The following CDH13 variants were observed in gnomAD, a reference collection of about 807,000 sequenced individuals.
CDH13 encodes cadherin-13.
Under a neutral mutation model 63.8 loss-of-function variants are expected in CDH13, and 24 were observed. The ratio of observed to expected loss-of-function variants is 0.38; its 90% CI spans 0.27 to 0.53. The LOEUF (loss-of-function observed/expected upper bound fraction) is 0.53, where lower values mean the gene tolerates loss of function less well. CDH13 is among the 20% of genes least tolerant of loss of function. The pLI, the probability that CDH13 is intolerant of heterozygous loss-of-function variation, is 0.85. For synonymous variants in CDH13, 503 were observed against 355.3 expected, an observed-to-expected ratio of 1.42 and a Z score of -4.67; for missense variants, 1,049 against 903.1, an observed-to-expected ratio of 1.16 and a Z score of -2.07.
At chr16:83,409,749 T>C (rs139554179) in intron 6 of CDH13, among the ~76,000 whole-genome samples, 7 of 152,198 alleles carry the variant, frequency 4.6e-5, no homozygotes, top group African/African-American at 1.4e-4. Context: ...TCCCCAGAAG[T>C]GGGATGTTGA....
At chr16:83,181,484 G>A (rs2038346856) in intron 4 of CDH13, among the ~76,000 whole-genome samples, 1 of 152,212 alleles carries the variant, frequency 6.6e-6, no homozygotes, top group Non-Finnish European at 1.5e-5. Flanking sequence ...CACATCTTGG[G>A]CTGTAGTACT....
At chr16:83,443,839 G>A (rs1410585345) in intron 6 of CDH13, among the ~76,000 whole-genome samples, 2 of 148,526 alleles carry the variant, frequency 1.3e-5, no homozygotes, top group East Asian at 1.9e-4. Context: ...GGAGGCTGAG[G>A]TGGGAGGATC....
chr16:83,302,473 T>G (rs1181408012), intron 5 of CDH13, among the ~76,000 whole-genome samples: 1 of 152,218 alleles, frequency 6.6e-6, no homozygotes, highest in African/African-American at 2.4e-5. Flanking sequence ...TTTTTCACAC[T>G]GCACAAATGG....
At chr16:83,788,651 G>A (rs910306403) in intron 13 of CDH13, among the ~76,000 whole-genome samples, 3 of 152,132 alleles carry the variant, frequency 2.0e-5, no homozygotes, top group Admixed American at 6.5e-5. Context: ...AGGCAGAATT[G>A]CCTGATAATC....
At chr16:83,399,205 G>T (rs943290167) in intron 6 of CDH13, among the ~76,000 whole-genome samples, 3 of 152,258 alleles carry the variant, frequency 2.0e-5, no homozygotes, top group African/African-American at 7.2e-5. Flanking sequence ...GAGAATTTGG[G>T]TCTTAGTTTT....
At chr16:82,798,053 G>A (rs762115126) in intron 1 of CDH13, among the ~76,000 whole-genome samples, 4 of 152,192 alleles carry the variant, frequency 2.6e-5, no homozygotes, top group Admixed American at 6.5e-5. Flanking sequence ...TTGCTCTGGG[G>A]TGAGAAAACT....
At chr16:83,349,591 A>G (rs1024684060) in intron 6 of CDH13, among the ~76,000 whole-genome samples, 5 of 151,360 alleles carry the variant, frequency 3.3e-5, no homozygotes, top group Non-Finnish European at 4.4e-5. Context: ...CATTATTATT[A>G]TTATTATTAT....
intron 2 of CDH13, among the ~76,000 whole-genome samples, chr16:82,999,006 A>G (rs1597382375): frequency 6.6e-6 from 1 of 151,996 alleles, no homozygotes; most frequent in East Asian, 1.9e-4. Flanking sequence ...TTCTCCTCCC[A>G]AGAACATCCC....
chr16:83,393,159 G>A (rs1165728090), intron 6 of CDH13, among the ~76,000 whole-genome samples: 2 of 152,212 alleles, frequency 1.3e-5, no homozygotes, highest in Non-Finnish European at 1.5e-5. Context: ...GCTATTCCGT[G>A]AGACCATGTC....
chr16:82,662,882 CTGTG>C (rs1325842987), intron 1 of CDH13, among the ~76,000 whole-genome samples: 1 of 148,008 alleles, frequency 6.8e-6, no homozygotes, highest in Non-Finnish European at 1.5e-5. Context: ...GTGGGCATGC[CTGTG>C]TGTCTGGTAC....
intron 7 of CDH13, among the ~76,000 whole-genome samples, chr16:83,501,314 T>C (rs2151586990): frequency 6.6e-6 from 1 of 152,342 alleles, no homozygotes; most frequent in South Asian, 2.1e-4. Flanking sequence ...GGAACCAAAA[T>C]TAAATTCTTT....
At chr16:83,039,445 G>T (rs1917147723) in intron 3 of CDH13, among the ~76,000 whole-genome samples, 1 of 152,202 alleles carries the variant, frequency 6.6e-6, no homozygotes, top group Non-Finnish European at 1.5e-5. Flanking sequence ...CCCATCCCAA[G>T]AAAGGATCTC....
In CDH13 at chr16:83,179,481, T is replaced by TAA. The variant is rs565547312; in HGVS notation, c.484-37844_484-37843dup. The stretch of plus-strand genomic sequence containing the variant: ...TAACACAGTGAAACCCCGTCTCTAC[T>TAA]AAAAAAAAAAAAAAAAAAAAATTAG... On this transcript the variant is annotated intron_variant, in intron 4 of 13. Transcript: ENST00000567109. Among the ~76,000 whole-genome samples, 315 of 69,080 alleles carry TAA rather than the reference T, an allele frequency of 4.6e-3. 26 individuals are homozygous for TAA. The highest frequency in any genetic ancestry group is 7.5e-3 in the Non-Finnish European group (271 of 36,338). 45.3% of individuals were successfully genotyped at this position (69,080 alleles called of 152,430 possible).
At chr16:82,779,123 T>G (rs918804833) in intron 1 of CDH13, among the ~76,000 whole-genome samples, 4 of 152,174 alleles carry the variant, frequency 2.6e-5, no homozygotes, top group Non-Finnish European at 5.9e-5. Context: ...AAACTATTTT[T>G]TAAATGTAAT....
At position 83,518,125 on chromosome 16, in the gene CDH13, A is replaced by G. The variant is rs191164323; in HGVS notation, c.960+31470A>G. Among the ~76,000 whole-genome samples, 256 of 141,284 alleles carry G rather than the reference A, an allele frequency of 1.8e-3. 3 individuals are homozygous for G. The highest frequency in any genetic ancestry group is 2.9e-3 in the Non-Finnish European group (192 of 66,064). 92.7% of individuals were successfully genotyped at this position (141,284 alleles called of 152,430 possible). A position where few individuals can be genotyped will look rare whatever the true frequency, so the allele number is the denominator to read the frequency against. The stretch of plus-strand genomic sequence containing the variant: ...TGCTGTTCTCATGATAATGAGTGAG[A>G]TATCATGAGATGTGATGGTCTTTTG... On this transcript the variant is annotated intron_variant, in intron 7 of 13. Transcript: ENST00000567109.
intron 6 of CDH13, among the ~76,000 whole-genome samples, chr16:83,462,711 A>G (rs1486066698): frequency 6.6e-6 from 1 of 152,202 alleles, no homozygotes; most frequent in Non-Finnish European, 1.5e-5. Context: ...AGTCAAGATC[A>G]TGCCACTGCA....
At chr16:82,786,766 G>C (rs940064051) in intron 1 of CDH13, among the ~76,000 whole-genome samples, 1 of 150,918 alleles carries the variant, frequency 6.6e-6, no homozygotes, top group African/African-American at 2.4e-5. Flanking sequence ...TTGGTTTTCT[G>C]TCCTTGCAAT....
At chr16:83,668,357 T>C (rs1194016943) in intron 8 of CDH13, among the ~76,000 whole-genome samples, 1 of 152,196 alleles carries the variant, frequency 6.6e-6, no homozygotes, top group Non-Finnish European at 1.5e-5. Flanking sequence ...CCTCAAATCA[T>C]GATTTCTCAC....
intron 4 of CDH13, among the ~76,000 whole-genome samples, chr16:83,152,362 G>A (rs561183055): frequency 1.4e-4 from 22 of 152,138 alleles, no homozygotes; most frequent in African/African-American, 4.8e-4. Flanking sequence ...TAAACATATA[G>A]AAAAATGCAT....
Sources: allele counts gnomAD v4.1 joint callset (sites outside exome capture counted in the v4.1 genomes callset), GRCh38; gene constraint gnomAD v4.1.1; transcripts MANE v1.5; gene names NCBI Gene and HGNC (gene_info 2026-07-23, HGNC 2026-07-21).